CDH12: variants seen among roughly 807,000 people sequenced by gnomAD.
CDH12 encodes cadherin 12, also known as cadherin-12.
CDH12 carries 41 observed loss-of-function variants against 74.1 expected under a neutral mutation model. That is an observed-to-expected ratio of 0.55 (90% CI 0.43 to 0.72). The LOEUF (loss-of-function observed/expected upper bound fraction) is 0.72. CDH12 is among the 30% of genes least tolerant of loss of function. The pLI, the probability that CDH12 is intolerant of heterozygous loss-of-function variation, is 0.00. For synonymous variants in CDH12, 399 were observed against 355.0 expected, an observed-to-expected ratio of 1.12 and a Z score of -1.39; for missense variants, 945 against 977.2, an observed-to-expected ratio of 0.97 and a Z score of 0.44.
At chr5:22,646,600 C>G (rs568563718) in intron 1 of CDH12, among the ~76,000 whole-genome samples, 8 of 151,888 alleles carry the variant, frequency 5.3e-5, no homozygotes, top group Admixed American at 3.9e-4. Flanking sequence ...TCTTTAGATT[C>G]CCAACACAGT....
chr5:22,088,263 T>C (rs528960261), intron 4 of CDH12, among the ~76,000 whole-genome samples: 43 of 152,262 alleles, frequency 2.8e-4, no homozygotes, highest in South Asian at 1.0e-3. Context: ...CCAGCTGTGT[T>C]TCTCATCCTT....
intron 2 of CDH12, among the ~76,000 whole-genome samples, chr5:22,430,876 A>G (rs1744142397): frequency 6.6e-6 from 1 of 151,872 alleles, no homozygotes; most frequent in Non-Finnish European, 1.5e-5. Context: ...CAGGTTAAAG[A>G]TTCTTTAGCA....
intron 1 of CDH12, among the ~76,000 whole-genome samples, chr5:22,618,183 A>G (rs1364140655): frequency 6.6e-6 from 1 of 152,162 alleles, no homozygotes; most frequent in Non-Finnish European, 1.5e-5. Context: ...TTTTCATTCA[A>G]ATAATGACTG....
At chr5:22,448,775 AT>A (rs923016119) in intron 2 of CDH12, among the ~76,000 whole-genome samples, 1 of 151,858 alleles carries the variant, frequency 6.6e-6, no homozygotes, top group Non-Finnish European at 1.5e-5. Flanking sequence ...ATTTCCTACT[AT>A]TTTTTTCTAG....
Position 22,662,906 on chromosome 5 carries a change from T to C in CDH12, c.-522-157542A>G, listed in dbSNP as rs925651663. On this transcript the variant is annotated intron_variant, in intron 1 of 14. Coordinates refer to ENST00000382254, the MANE Select transcript of CDH12 (RefSeq NM_004061.5). ...AGTGAAGGCTGAGGTTCTAAAACTC[T>C]TTGCAAGGGCAAGGAAAACAACAAC... 7.2e-5 allele frequency among the ~76,000 whole-genome samples: 11 copies of C among 152,302 alleles called. No individual in the cohort carries two copies. The East Asian group carries it at 1.9e-3, about 27-fold the overall frequency.
chr5:22,516,860 A>C (rs1736830825), intron 1 of CDH12, among the ~76,000 whole-genome samples: 1 of 152,172 alleles, frequency 6.6e-6, no homozygotes, highest in Non-Finnish European at 1.5e-5. Flanking sequence ...ATGAAAAAAG[A>C]AAAACAGTAT....
intron 5 of CDH12, among the ~76,000 whole-genome samples, chr5:22,017,797 T>C (rs1580119313): frequency 6.6e-6 from 1 of 151,970 alleles, no homozygotes; most frequent in East Asian, 1.9e-4. Context: ...TTTGCTCTTG[T>C]TGCCCAGGCT....
At chr5:22,056,268 G>T (rs565677284) in intron 5 of CDH12, among the ~76,000 whole-genome samples, 76 of 152,046 alleles carry the variant, frequency 5.0e-4, no homozygotes, top group African/African-American at 1.8e-3. Context: ...GTATATATTT[G>T]GTTTTGACCT....
At chr5:22,671,947 C>A (rs1341283495) in intron 1 of CDH12, among the ~76,000 whole-genome samples, 2 of 148,564 alleles carry the variant, frequency 1.3e-5, no homozygotes, top group African/African-American at 4.9e-5. Flanking sequence ...ACCTCAGTCA[C>A]CTTTAAAGGC....
intron 6 of CDH12, among the ~76,000 whole-genome samples, chr5:21,931,647 A>G (rs1367780158): frequency 1.3e-5 from 2 of 152,260 alleles, no homozygotes; most frequent in Admixed American, 1.3e-4. Flanking sequence ...TGACTCCCAC[A>G]TTATGGTTTA....
At chr5:22,738,135 C>A (rs1162007826) in intron 1 of CDH12, among the ~76,000 whole-genome samples, 2 of 151,878 alleles carry the variant, frequency 1.3e-5, no homozygotes, top group Non-Finnish European at 2.9e-5. Flanking sequence ...CTGGAGAATG[C>A]TACAGAGGGG....
chr5:22,523,423 A>T (rs2126689218), intron 1 of CDH12, among the ~76,000 whole-genome samples: 1 of 152,314 alleles, frequency 6.6e-6, no homozygotes, highest in East Asian at 1.9e-4. Flanking sequence ...GAACAAACTC[A>T]TGCACATCCA....
At chr5:22,230,951 A>G (rs1472296050) in intron 3 of CDH12, among the ~76,000 whole-genome samples, 1 of 152,218 alleles carries the variant, frequency 6.6e-6, no homozygotes, top group Non-Finnish European at 1.5e-5. Flanking sequence ...ACATGGTCAC[A>G]TTAGGGTGTT....
chr5:21,758,367 T>G (rs1008369668), intron 13 of CDH12, among the ~76,000 whole-genome samples: 3 of 152,128 alleles, frequency 2.0e-5, no homozygotes, highest in African/African-American at 7.2e-5. Flanking sequence ...GACTCTGATT[T>G]TGTGGAGACT....
intron 1 of CDH12, among the ~76,000 whole-genome samples, chr5:22,782,183 T>A (rs1376522095): frequency 1.3e-5 from 2 of 152,116 alleles, no homozygotes; most frequent in East Asian, 3.9e-4. Flanking sequence ...TGGGGGACTG[T>A]TGGGAAGACA....
chr5:22,060,436 G>A (rs1741113549), intron 5 of CDH12, among the ~76,000 whole-genome samples: 1 of 151,934 alleles, frequency 6.6e-6, no homozygotes, highest in Non-Finnish European at 1.5e-5. Context: ...GTATACCTAT[G>A]TAACAAACCT....
In CDH12 at chr5:22,810,352, A is replaced by C. The variant is rs1581023211; in HGVS notation, c.-523+42706T>G. On this transcript the variant is annotated intron_variant, in intron 1 of 14. Coordinates refer to ENST00000382254, the MANE Select transcript of CDH12 (RefSeq NM_004061.5). Reference sequence around the variant, plus strand: ...GGAAGTTTAAGGGCAAGTAATGAAGATAAAATGTAGAAATGTGTTGGGTTT... The same window carrying C: ...GGAAGTTTAAGGGCAAGTAATGAAGCTAAAATGTAGAAATGTGTTGGGTTT... Among the ~76,000 whole-genome samples, 3 of 152,338 alleles carry C rather than the reference A, an allele frequency of 2.0e-5. No homozygotes were observed. The South Asian group carries it at 6.2e-4, about 32-fold the overall frequency.
At chr5:22,705,670 A>G (rs1014090373) in intron 1 of CDH12, among the ~76,000 whole-genome samples, 11 of 152,042 alleles carry the variant, frequency 7.2e-5, no homozygotes, top group Non-Finnish European at 1.3e-4. Flanking sequence ...TGGTGTGGCT[A>G]AAAAATAAAG....
At chr5:22,068,017 C>T (rs556494425) in intron 5 of CDH12, among the ~76,000 whole-genome samples, 5 of 151,880 alleles carry the variant, frequency 3.3e-5, no homozygotes, top group Admixed American at 2.6e-4. Flanking sequence ...AAAAAAGAAA[C>T]AGCAAAAACC....
Sources: allele counts gnomAD v4.1 joint callset (sites outside exome capture counted in the v4.1 genomes callset), GRCh38; gene constraint gnomAD v4.1.1; transcripts MANE v1.5; gene names NCBI Gene and HGNC (gene_info 2026-07-23, HGNC 2026-07-21).